Variants in KLHL4 observed in about 807,000 individuals in gnomAD.
KLHL4 encodes the protein kelch-like protein 4.
In KLHL4, 17 loss-of-function variants were observed where a neutral mutation model predicts 45.8. That is an observed-to-expected ratio of 0.37 (90% CI 0.25 to 0.56). The LOEUF (loss-of-function observed/expected upper bound fraction) is 0.56. Ranked by LOEUF, KLHL4 falls within the 20% of genes least tolerant of loss-of-function variation. The pLI is 0.79. For synonymous variants in KLHL4, 224 were observed against 189.9 expected, an observed-to-expected ratio of 1.18 and a Z score of -1.47; for missense variants, 544 against 544.9, an observed-to-expected ratio of 1.00 and a Z score of 0.02.
intron 7 of KLHL4, 46 bp from the exon 8 acceptor site, chrX:87,633,703 G>T (rs748680984): frequency 9.6e-7 from 1 of 1,043,723 alleles, no homozygotes; most frequent in Non-Finnish European, 1.3e-6. Context: ...AATATTCAGT[G>T]TGTGGCATAC....
chrX:87,571,986 G>T (rs1311458515), intron 1 of KLHL4, among the ~76,000 whole-genome samples: 1 of 110,911 alleles, frequency 9.0e-6, no homozygotes, highest in African/African-American at 3.3e-5. Flanking sequence ...TTTGGCTTGA[G>T]GGGGCAGGTG....
In KLHL4 at chrX:87,669,116, A is replaced by T. The variant is rs745414074; in HGVS notation, c.*2582A>T. 1.0e-6 allele frequency: 1 copy of T among 981,878 alleles called. No homozygotes were observed. Among genetic ancestry groups the T allele is most frequent in the Non-Finnish European group, 1.3e-6 (1 of 782,118 alleles). The allele number at this position is 981,878 out of a possible 1,213,427, so 80.9% of individuals were successfully genotyped here. A position where few individuals can be genotyped will look rare whatever the true frequency, so the allele number is the denominator to read the frequency against. On this transcript the variant is annotated 3_prime_UTR_variant, in exon 11 of 11. Coordinates refer to ENST00000373119, the MANE Select transcript of KLHL4 (RefSeq NM_019117.5). Reference sequence around the variant, plus strand: ...GAGATAACTTATCAGGGCTAGTTTAAACAAATGTGTATAGGAAAGGATGTT... The same window carrying T: ...GAGATAACTTATCAGGGCTAGTTTATACAAATGTGTATAGGAAAGGATGTT...
chrX:87,530,413 C>T (rs1320966111), intron 1 of KLHL4, among the ~76,000 whole-genome samples: 1 of 68,103 alleles, frequency 1.5e-5, no homozygotes, highest in African/African-American at 5.7e-5. Flanking sequence ...AATGCTATCC[C>T]TCCCCCCTCC....
intron 4 of KLHL4, among the ~76,000 whole-genome samples, chrX:87,619,936 T>C (rs1922693257): frequency 2.7e-5 from 3 of 111,740 alleles, no homozygotes; most frequent in Admixed American, 1.9e-4. Flanking sequence ...TACTAAACAA[T>C]TTAGGGATTC....
At chrX:87,558,866 A>G (rs1174258180) in intron 1 of KLHL4, among the ~76,000 whole-genome samples, 1 of 112,100 alleles carries the variant, frequency 8.9e-6, no homozygotes. Flanking sequence ...CATTTGATAC[A>G]TCATTGTCTT....
At chrX:87,549,427 A>G (rs1002588052) in intron 1 of KLHL4, among the ~76,000 whole-genome samples, 1 of 111,693 alleles carries the variant, frequency 9.0e-6, no homozygotes, top group Non-Finnish European at 1.9e-5. Context: ...GAATGGATCT[A>G]ATGCATATTT....
At chrX:87,588,097 G>A (rs1328972752) in intron 1 of KLHL4, among the ~76,000 whole-genome samples, 5 of 111,120 alleles carry the variant, frequency 4.5e-5, no homozygotes, top group African/African-American at 1.6e-4. Context: ...CTTAACCAAG[G>A]AAGTGAAAGA....
At chrX:87,614,599 A>T (rs757373553) in intron 3 of KLHL4, 29 bp downstream of exon 3, 2 of 1,158,274 alleles carry the variant, frequency 1.7e-6, no homozygotes, top group African/African-American at 3.6e-5. Flanking sequence ...TTAACTCATA[A>T]TGACCCTACA....
At chrX:87,595,727 G>A (rs976086562) in intron 1 of KLHL4, among the ~76,000 whole-genome samples, 1 of 110,935 alleles carries the variant, frequency 9.0e-6, no homozygotes, top group African/African-American at 3.3e-5. Flanking sequence ...ATTCATACTT[G>A]TTTCTATGTC....
intron 1 of KLHL4, among the ~76,000 whole-genome samples, chrX:87,584,420 T>A (rs6617448): frequency 8.9e-6 from 1 of 112,118 alleles, no homozygotes; most frequent in East Asian, 2.9e-4. Context: ...TTCAGGCAGA[T>A]AATTCAAAAG....
intron 1 of KLHL4, among the ~76,000 whole-genome samples, chrX:87,542,614 G>A (rs927477850): frequency 1.8e-5 from 2 of 112,806 alleles, no homozygotes; most frequent in African/African-American, 6.4e-5. Context: ...GGGGCATGTG[G>A]CCCCTTTGTT....
chrX:87,574,174 T>C (rs1921020964), intron 1 of KLHL4, among the ~76,000 whole-genome samples: 1 of 111,748 alleles, frequency 8.9e-6, no homozygotes, highest in African/African-American at 3.2e-5. Flanking sequence ...AAAACAAGTG[T>C]TGAGCTATAA....
intron 1 of KLHL4, among the ~76,000 whole-genome samples, chrX:87,612,549 C>T (rs961732286): frequency 9.0e-6 from 1 of 111,688 alleles, no homozygotes; most frequent in Non-Finnish European, 1.9e-5. Context: ...TGATGCATTT[C>T]TCAGATGTAT....
At chrX:87,554,434 G>C (rs771945385) in intron 1 of KLHL4, among the ~76,000 whole-genome samples, 1 of 88,481 alleles carries the variant, frequency 1.1e-5, no homozygotes, top group African/African-American at 4.3e-5. Context: ...GGTCCTTCAC[G>C]TCCCTTGTAA....
At chrX:87,648,755 A>G (rs1177411956) in intron 9 of KLHL4, among the ~76,000 whole-genome samples, 1 of 111,760 alleles carries the variant, frequency 8.9e-6, no homozygotes, top group Non-Finnish European at 1.9e-5. Context: ...TAAAAACTTT[A>G]TTCTCAATGA....
chrX:87,624,054 TA>T (rs1922845212), intron 5 of KLHL4, among the ~76,000 whole-genome samples: 1 of 112,307 alleles, frequency 8.9e-6, no homozygotes, highest in African/African-American at 3.2e-5. Context: ...ATTTTAGGCA[TA>T]AAAAACTTAA....
chrX:87,635,384 C>A (rs1371876157), intron 8 of KLHL4, among the ~76,000 whole-genome samples, 179 bp from the exon 9 acceptor site: 1 of 111,944 alleles, frequency 8.9e-6, no homozygotes, highest in Non-Finnish European at 1.9e-5. Context: ...AGGTTACGAT[C>A]TATTCACAAA....
chrX:87,620,289 G>A (rs921765498), intron 4 of KLHL4, among the ~76,000 whole-genome samples: 1 of 111,550 alleles, frequency 9.0e-6, no homozygotes, highest in African/African-American at 3.3e-5. Context: ...CTTGAAATTA[G>A]GAGCAAAATA....
intron 1 of KLHL4, among the ~76,000 whole-genome samples, chrX:87,539,066 T>A (rs1323995867): frequency 9.0e-6 from 1 of 111,634 alleles, no homozygotes; most frequent in African/African-American, 3.2e-5. Context: ...TAATTTGTAA[T>A]GTTCACGAAA....
Sources: allele counts gnomAD v4.1 joint callset (sites outside exome capture counted in the v4.1 genomes callset), GRCh38; gene constraint gnomAD v4.1.1; transcripts MANE v1.5; gene names NCBI Gene and HGNC (gene_info 2026-07-23, HGNC 2026-07-21).